NEU4: variants seen among roughly 807,000 people sequenced by gnomAD.
NEU4 encodes the protein sialidase-4.
NEU4 carries 7 observed loss-of-function variants against 9.9 expected under a neutral mutation model. The ratio of observed to expected loss-of-function variants is 0.71; its 90% confidence interval spans 0.40 to 1.33. The LOEUF (loss-of-function observed/expected upper bound fraction) is 1.33. NEU4 is among the 40% of genes most tolerant of loss of function. NEU4 has a pLI of 0.01. For missense variants in NEU4, 717 were observed against 712.6 expected, an observed-to-expected ratio of 1.01 and a Z score of -0.07; for synonymous variants, 348 against 316.9, an observed-to-expected ratio of 1.10 and a Z score of -1.04.
chr2:241,811,528 C>T lies in NEU4; in HGVS notation c.-4+2254C>T, dbSNP rs560068900. 1.4e-4 allele frequency: 184 copies of T among 1,358,618 alleles called. No homozygotes were observed. In the Admixed American group the frequency reaches 2.9e-3, roughly 22 times the overall value. The allele number at this position is 1,358,618 out of a possible 1,614,324, so 84.2% of individuals were successfully genotyped here. A position where few individuals can be genotyped will look rare whatever the true frequency, so the allele number is the denominator to read the frequency against. Reference sequence around the variant, plus strand: ...TACCCGGGCGCCCGGGGTCAGGACCCGCTCCTGAGGTATCTGTCCAGCTGG... The same window carrying T: ...TACCCGGGCGCCCGGGGTCAGGACCTGCTCCTGAGGTATCTGTCCAGCTGG... On this transcript the variant is annotated intron_variant, in intron 1 of 3. Coordinates refer to ENST00000407683, the MANE Select transcript of NEU4 (RefSeq NM_001167600.3).
intron 1 of NEU4, chr2:241,814,097 C>T: frequency 1.9e-6 from 1 of 538,036 alleles, no homozygotes; most frequent in Non-Finnish European, 3.7e-6. Context: ...ACATGACCTC[C>T]TGCTGGGCGA....
At chr2:241,810,176 G>A (rs1440792392) in intron 1 of NEU4, among the ~76,000 whole-genome samples, 2 of 152,162 alleles carry the variant, frequency 1.3e-5, no homozygotes, top group African/African-American at 2.4e-5. Context: ...GACTGGGTCC[G>A]CCCCTCCTGG....
chr2:241,814,841 G>A lies in NEU4; in HGVS notation c.202-51G>A, dbSNP rs2125215772. On this transcript the variant is annotated intron_variant, in intron 2 of 3. Coordinates refer to ENST00000407683, the MANE Select transcript of NEU4 (RefSeq NM_001167600.3). ...GATCCTGGGTGCCCTGCGGGGGGCT[G>A]TGCCCAGGTCCCTGGACGTCCTGGT... 3 of 1,574,456 alleles carry A rather than the reference G, an allele frequency of 1.9e-6. No homozygotes were observed. In the South Asian group the frequency reaches 3.5e-5, roughly 18 times the overall value.
At chr2:241,814,461 T>C in intron 1 of NEU4, 21 bp from the exon 2 acceptor site, 2 of 1,602,198 alleles carry the variant, frequency 1.2e-6, no homozygotes, top group East Asian at 2.2e-5. Context: ...TGCTGACCTG[T>C]GGCCCTGTAC....
intron 1 of NEU4, chr2:241,814,050 G>A (rs1045149099): frequency 2.2e-6 from 1 of 446,406 alleles, no homozygotes; most frequent in South Asian, 1.7e-5. Context: ...GGGACACTGA[G>A]CTCCTCCTTG....
chr2:241,813,184 C>A, intron 1 of NEU4: 1 of 316,434 alleles, frequency 3.2e-6, no homozygotes, highest in Non-Finnish European at 4.6e-6. Context: ...TTGGGTTTTA[C>A]ACGAGTGTTG....
chr2:241,813,471 G>A (rs926306076), intron 1 of NEU4: 54 of 1,158,578 alleles, frequency 4.7e-5, no homozygotes, highest in Non-Finnish European at 5.7e-5. Flanking sequence ...GCTCACGCTC[G>A]GCTCCGTCTG....
chr2:241,814,791 T>C, intron 2 of NEU4, 101 bp from the exon 3 acceptor site: 1 of 1,531,300 alleles, frequency 6.5e-7, no homozygotes, highest in East Asian at 2.3e-5. Context: ...ATGCCCGAGG[T>C]AGAGATGAGC....
intron 1 of NEU4, chr2:241,813,467 G>A (rs569072620): frequency 5.2e-6 from 6 of 1,158,904 alleles, no homozygotes; most frequent in African/African-American, 3.3e-5. Flanking sequence ...GCGTGCTCAC[G>A]CTCGGCTCCG....
In NEU4 at chr2:241,815,718, A is replaced by G. The variant is rs1700302860; in HGVS notation, c.458-333A>G. Reference sequence around the variant, plus strand: ...CACCTGACCCCGGCCCGTGGGAGCTACAGCAGGGAGTGCAGCAGACACATG... The same window carrying G: ...CACCTGACCCCGGCCCGTGGGAGCTGCAGCAGGGAGTGCAGCAGACACATG... On this transcript the variant is annotated intron_variant, in intron 3 of 3. Transcript: ENST00000407683. 3 of 544,886 alleles carry G rather than the reference A, an allele frequency of 5.5e-6. No homozygotes were observed. In the South Asian group the frequency reaches 5.8e-5, roughly 11 times the overall value. 33.8% of individuals were successfully genotyped at this position (544,886 alleles called of 1,614,324 possible). A position where few individuals can be genotyped will look rare whatever the true frequency, so the allele number is the denominator to read the frequency against.
chr2:241,815,793 C>T (rs3749154), intron 3 of NEU4: 355,149 of 591,630 alleles, frequency 0.6, 107,732 homozygotes, highest in Non-Finnish European at 0.63. Context: ...GCCTGCCCTC[C>T]GCTCTCTCTG....
At position 241,817,070 on chromosome 2, in the gene NEU4, T is replaced by G; in HGVS notation, c.*22T>G. ...CTGACAGGCCTTCTGGCCGTGCCCA[T>G]GCCCCTTGGGTGCCTGGGGCAGAGG... is the stretch of plus-strand genomic sequence containing the variant. On this transcript the variant is annotated 3_prime_UTR_variant, in exon 4 of 4. Coordinates refer to ENST00000407683, the MANE Select transcript of NEU4 (RefSeq NM_001167600.3). The G allele has an allele frequency of 6.4e-7, 1 of 1,551,088 alleles. No individual in the cohort carries two copies. Among genetic ancestry groups the G allele is most frequent in the Middle Eastern group, 1.7e-4 (1 of 5,840 alleles).
At chr2:241,810,820 G>A (rs1171548953) in intron 1 of NEU4, 1 of 463,574 alleles carries the variant, frequency 2.2e-6, no homozygotes, top group Admixed American at 6.6e-5. Flanking sequence ...GGGACTGGCA[G>A]GAGTCCTGCG....
intron 1 of NEU4, chr2:241,813,776 T>C (rs1259868586): frequency 3.3e-6 from 1 of 306,950 alleles, no homozygotes; most frequent in Non-Finnish European, 6.7e-6. Context: ...CCCTGCAGGA[T>C]CCCTGGCTGT....
chr2:241,816,490 C>T lies in NEU4; in HGVS notation c.897C>T (p.Gly299=). The T allele has an allele frequency of 6.2e-7, 1 of 1,609,354 alleles. No homozygotes were observed. Among genetic ancestry groups the T allele is most frequent in the Non-Finnish European group, 8.5e-7 (1 of 1,178,840 alleles). The change falls in exon 4 of 4, where the codon GGC becomes GGT. Residue 299 remains glycine, a synonymous_variant. Coordinates refer to ENST00000407683, the MANE Select transcript of NEU4 (RefSeq NM_001167600.3). ...CACGGGATGACAGTTGGTCAGTGGG[C>T]CCCGGGAGTCCCCTCCAGCCTCCAC... ...NRPRDDSWSV[G]PGSPLQPPLL... is the part of the protein sequence containing the mutation.
chr2:241,810,663 A>G (rs1700083171), intron 1 of NEU4: 1 of 155,628 alleles, frequency 6.4e-6, no homozygotes, highest in Admixed American at 6.5e-5. Flanking sequence ...ATTGGTTACC[A>G]AGGCTGCCTC....
Position 241,817,130 on chromosome 2 carries a change from G to T in NEU4, c.*82G>T, listed in dbSNP as rs997402372. The stretch of plus-strand genomic sequence containing the variant: ...CGTTGGGGTGCCCCACGATAGCTGT[G>T]GGGGGGGCTCTTAGTGCAGGATCCT... On this transcript the variant is annotated 3_prime_UTR_variant, in exon 4 of 4. Coordinates refer to ENST00000407683, the MANE Select transcript of NEU4 (RefSeq NM_001167600.3). 66 of 1,366,850 alleles carry T rather than the reference G, an allele frequency of 4.8e-5. No homozygotes were observed. In the East Asian group the frequency reaches 5.2e-4, roughly 11 times the overall value. The allele number at this position is 1,366,850 out of a possible 1,614,324, so 84.7% of individuals were successfully genotyped here.
chr2:241,813,336 C>G lies in NEU4; in HGVS notation c.-3-1146C>G, dbSNP rs557568363. 10 of 1,052,136 alleles carry G rather than the reference C, an allele frequency of 9.5e-6. No homozygotes were observed. In the East Asian group the frequency reaches 8.6e-4, roughly 90 times the overall value. 65.2% of individuals were successfully genotyped at this position (1,052,136 alleles called of 1,614,324 possible). ...CCCTCCTCCCTCCTTCCCTTAGCCC[C>G]GCATCCAGGTGCCCCGTGTGCCCGG... On this transcript the variant is annotated intron_variant, in intron 1 of 3. Coordinates refer to ENST00000407683, the MANE Select transcript of NEU4 (RefSeq NM_001167600.3).
intron 1 of NEU4, among the ~76,000 whole-genome samples, chr2:241,813,092 T>A (rs1292656999): frequency 1.3e-5 from 2 of 152,146 alleles, no homozygotes; most frequent in East Asian, 3.9e-4. Flanking sequence ...GCCAAGAGCC[T>A]TTCAGGAACC....
Sources: allele counts gnomAD v4.1 joint callset (sites outside exome capture counted in the v4.1 genomes callset), GRCh38; gene constraint gnomAD v4.1.1; transcripts MANE v1.5; gene names NCBI Gene and HGNC (gene_info 2026-07-23, HGNC 2026-07-21).